Variants in FARS2 observed in about 807,000 individuals in gnomAD.
FARS2 encodes phenylalanyl-tRNA synthetase 2, mitochondrial.
Under a neutral mutation model 46.4 loss-of-function variants are expected in FARS2, and 40 were observed. The observed-to-expected ratio is 0.86, with a 90% CI of 0.67 to 1.12. The LOEUF is 1.12. Ranked by LOEUF, FARS2 falls within the 50% of genes most tolerant of loss-of-function variation. The pLI is 0.00. For synonymous variants in FARS2, 234 were observed against 214.9 expected, an observed-to-expected ratio of 1.09 and a Z score of -0.78; for missense variants, 513 against 567.9, an observed-to-expected ratio of 0.90 and a Z score of 0.98.
the FARS2 span, among the ~76,000 whole-genome samples, chr6:5,253,833 CAAA>C: frequency 9.4e-5 from 13 of 137,786 alleles, no homozygotes; most frequent in African/African-American, 1.3e-4. Flanking sequence ...TCATGCTGAG[CAAA>C]AAAAAAAAAA....
intron 5 of FARS2, among the ~76,000 whole-genome samples, chr6:5,593,302 A>C (rs2013292): frequency 0.78 from 113,510 of 144,682 alleles, 43,287 homozygotes; most frequent in East Asian, 0.87. Flanking sequence ...TCCCGCCCCC[A>C]CCGGCCTCTG....
intron 6 of FARS2, among the ~76,000 whole-genome samples, chr6:5,725,151 C>A (rs988480623): frequency 2.6e-5 from 4 of 152,242 alleles, no homozygotes; most frequent in Admixed American, 1.3e-4. Flanking sequence ...GGAGCAGACA[C>A]CCCAGTGCTG....
At chr6:5,464,334 C>T (rs1765399694) in intron 4 of FARS2, among the ~76,000 whole-genome samples, 1 of 152,232 alleles carries the variant, frequency 6.6e-6, no homozygotes, top group Non-Finnish European at 1.5e-5. Flanking sequence ...CCACAATGGA[C>T]AGTCCTGACC....
chr6:5,306,417 A>G (rs1581741045), intron 1 of FARS2, among the ~76,000 whole-genome samples: 2 of 152,198 alleles, frequency 1.3e-5, no homozygotes, highest in Non-Finnish European at 2.9e-5. Context: ...TTTGTAGATG[A>G]CTGGATCCTG....
Position 5,408,342 on chromosome 6 carries a change from G to C in FARS2, c.772+3641G>C, listed in dbSNP as rs1158946274. On this transcript the variant is annotated intron_variant, in intron 3 of 6. Coordinates refer to ENST00000274680, the MANE Select transcript of FARS2 (RefSeq NM_006567.5). ...TTGGGAAAGGATAAGCAAGGTGGGGGGGCAGAAGAATGGGGTGAAAAATGA... is the reference window on the plus strand; with the variant it reads ...TTGGGAAAGGATAAGCAAGGTGGGGCGGCAGAAGAATGGGGTGAAAAATGA... 2.0e-5 allele frequency among the ~76,000 whole-genome samples: 3 copies of C among 152,096 alleles called. No individual in the cohort carries two copies. In the East Asian group the frequency reaches 5.8e-4, roughly 29 times the overall value.
intron 1 of FARS2, among the ~76,000 whole-genome samples, chr6:5,304,982 G>A (rs544466542): frequency 3.9e-5 from 6 of 152,280 alleles, no homozygotes; most frequent in African/African-American, 1.4e-4. Flanking sequence ...CTTGGTAGGA[G>A]CAGTAGTGGG....
chr6:5,589,646 CA>C (rs1326824827), intron 5 of FARS2, among the ~76,000 whole-genome samples: 1 of 152,208 alleles, frequency 6.6e-6, no homozygotes, highest in Admixed American at 6.5e-5. Context: ...AAGCACATTG[CA>C]ACCTGCCATA....
At chr6:5,395,108 T>C (rs1760820355) in intron 2 of FARS2, among the ~76,000 whole-genome samples, 1 of 152,160 alleles carries the variant, frequency 6.6e-6, no homozygotes, top group South Asian at 2.1e-4. Context: ...TGGAGTGCAA[T>C]GGTGTGATCT....
At chr6:5,480,945 G>A (rs904853225) in intron 4 of FARS2, among the ~76,000 whole-genome samples, 2 of 152,200 alleles carry the variant, frequency 1.3e-5, no homozygotes, top group Admixed American at 6.5e-5. Flanking sequence ...ATGTGCACAC[G>A]CATACGTGCA....
At chr6:5,334,967 C>T (rs1395064885) in intron 1 of FARS2, among the ~76,000 whole-genome samples, 1 of 152,122 alleles carries the variant, frequency 6.6e-6, no homozygotes, top group Non-Finnish European at 1.5e-5. Context: ...TTTTGAGAAG[C>T]AAAGCTTTCT....
intron 5 of FARS2, among the ~76,000 whole-genome samples, chr6:5,565,865 A>G (rs1043370726): frequency 6.6e-6 from 1 of 152,166 alleles, no homozygotes; most frequent in Non-Finnish European, 1.5e-5. Flanking sequence ...AAAACCTTTC[A>G]TTAGCCTTTA....
chr6:5,522,557 C>T (rs1769209807), intron 4 of FARS2, among the ~76,000 whole-genome samples: 2 of 152,242 alleles, frequency 1.3e-5, no homozygotes, highest in African/African-American at 2.4e-5. Context: ...GTGCTCGGAC[C>T]AGCGGAAGTA....
chr6:5,469,696 G>A (rs887144341), intron 4 of FARS2, among the ~76,000 whole-genome samples: 4 of 152,160 alleles, frequency 2.6e-5, no homozygotes, highest in Non-Finnish European at 5.9e-5. Flanking sequence ...AAAAATATGC[G>A]GTCATTGCTT....
chr6:5,753,266 G>T (rs960368087), intron 6 of FARS2, among the ~76,000 whole-genome samples: 4 of 152,144 alleles, frequency 2.6e-5, no homozygotes, highest in African/African-American at 7.2e-5. Context: ...CTCTACTTTG[G>T]ACATCAATTT....
At chr6:5,479,571 T>G (rs954400864) in intron 4 of FARS2, among the ~76,000 whole-genome samples, 2 of 152,220 alleles carry the variant, frequency 1.3e-5, no homozygotes, top group Non-Finnish European at 2.9e-5. Context: ...ATCTTTCTGA[T>G]CCATAACTTC....
At chr6:5,613,349 T>A in intron 6 of FARS2, 29 bp downstream of exon 6, 1 of 1,599,290 alleles carries the variant, frequency 6.3e-7, no homozygotes, top group Non-Finnish European at 8.5e-7. Context: ...GATTTTACCC[T>A]TGACTATCTC....
At chr6:5,540,636 T>G (rs1296971643) in intron 4 of FARS2, among the ~76,000 whole-genome samples, 1 of 152,230 alleles carries the variant, frequency 6.6e-6, no homozygotes. Context: ...AAAACTCGTT[T>G]ATGGAGTAGT....
chr6:5,402,825 C>T (rs1382605287), intron 2 of FARS2, among the ~76,000 whole-genome samples: 6 of 152,180 alleles, frequency 3.9e-5, no homozygotes, highest in Non-Finnish European at 5.9e-5. Flanking sequence ...CCTGCTCAGG[C>T]CTACTAGGAC....
intron 6 of FARS2, among the ~76,000 whole-genome samples, chr6:5,678,430 T>C (rs538832412): frequency 2.0e-5 from 3 of 152,114 alleles, no homozygotes; most frequent in Non-Finnish European, 2.9e-5. Context: ...TGGAAGAGGG[T>C]ACTTGTTGGC....
Sources: allele counts gnomAD v4.1 joint callset (sites outside exome capture counted in the v4.1 genomes callset), GRCh38; gene constraint gnomAD v4.1.1; transcripts MANE v1.5; gene names NCBI Gene and HGNC (gene_info 2026-07-23, HGNC 2026-07-21).